CMKLR2: variants seen among roughly 807,000 people sequenced by gnomAD.
CMKLR2 encodes the protein chemerin-like receptor 2.
Under a neutral mutation model 23.0 loss-of-function variants are expected in CMKLR2, and 18 were observed. That is an observed-to-expected ratio of 0.78 (90% CI 0.54 to 1.16). The LOEUF is 1.16. Ranked by LOEUF, CMKLR2 falls within the 50% of genes most tolerant of loss-of-function variation. The probability of loss-of-function intolerance (pLI) is 0.00; values close to 1 mark genes in which losing one functional copy is unlikely to be tolerated. For missense variants in CMKLR2, 401 were observed against 412.7 expected (o/e 0.97, Z 0.25); for synonymous variants, 158 against 158.9 (o/e 0.99, Z 0.05).
intron 1 of CMKLR2, among the ~76,000 whole-genome samples, chr2:206,195,333 G>C (rs1297465738): frequency 6.6e-6 from 1 of 152,120 alleles, no homozygotes; most frequent in Non-Finnish European, 1.5e-5. Flanking sequence ...AAGATGCTAG[G>C]GCAGAAAATG....
At chr2:206,202,950 G>A (rs1432748144) in intron 1 of CMKLR2, among the ~76,000 whole-genome samples, 6 of 151,892 alleles carry the variant, frequency 4.0e-5, no homozygotes, top group East Asian at 1.9e-4. Context: ...CTTGCTACCA[G>A]ATCGACCTCC....
At chr2:206,184,477 A>C (rs940310275) in intron 1 of CMKLR2, among the ~76,000 whole-genome samples, 1 of 151,904 alleles carries the variant, frequency 6.6e-6, no homozygotes, top group Non-Finnish European at 1.5e-5. Context: ...TTTTATTTTT[A>C]GTAAAGACGG....
chr2:206,198,221 C>T (rs1306047496), intron 1 of CMKLR2, among the ~76,000 whole-genome samples: 1 of 152,148 alleles, frequency 6.6e-6, no homozygotes, highest in Non-Finnish European at 1.5e-5. Context: ...ATTGCCTTAT[C>T]CTAGTTCTGA....
At position 206,176,682 on chromosome 2, in the gene CMKLR2, T is replaced by C. The variant is rs770620691; in HGVS notation, c.566A>G (p.Asn189Ser). The part of the protein sequence containing the change: ...VEFNNHTLCY[N>S]NFQKHDPDLT... ...GTCAGGATCATGCTTCTGAAAATTG[T>C]TATAGCAAAGAGTATGATTATTGAA... Residue 189 changes from asparagine (N) to serine (S), a missense_variant, in exon 2 of 2, where the codon AAC becomes AGC. Asn to Ser is a conservative substitution (Grantham distance 46, BLOSUM62 1). Transcript: ENST00000621141. The C allele has an allele frequency of 6.2e-7, 1 of 1,614,210 alleles. No homozygotes were observed. Among genetic ancestry groups the C allele is most frequent in the Non-Finnish European group, 8.5e-7 (1 of 1,180,036 alleles).
intron 1 of CMKLR2, among the ~76,000 whole-genome samples, chr2:206,182,635 T>C (rs189669521): frequency 6.6e-6 from 1 of 152,126 alleles, no homozygotes; most frequent in African/African-American, 2.4e-5. Flanking sequence ...AGTTCCTTTT[T>C]TTTTTGGATG....
chr2:206,187,944 C>T (rs1688633468), intron 1 of CMKLR2, among the ~76,000 whole-genome samples: 1 of 152,054 alleles, frequency 6.6e-6, no homozygotes, highest in African/African-American at 2.4e-5. Context: ...GTCATTCAGG[C>T]TGGAGTGGAG....
chr2:206,178,603 G>A (rs1430910576), intron 1 of CMKLR2, among the ~76,000 whole-genome samples: 1 of 151,976 alleles, frequency 6.6e-6, no homozygotes, highest in Non-Finnish European at 1.5e-5. Flanking sequence ...AATAATTTAT[G>A]ACAAAGATTA....
chr2:206,181,089 A>AC, intron 1 of CMKLR2, among the ~76,000 whole-genome samples: 1 of 135,312 alleles, frequency 7.4e-6, no homozygotes, highest in East Asian at 2.3e-4. Flanking sequence ...CAACTCTCTC[A>AC]CTCTGATGCC....
intron 1 of CMKLR2, among the ~76,000 whole-genome samples, chr2:206,212,656 G>A (rs1171577713): frequency 6.6e-6 from 1 of 152,116 alleles, no homozygotes; most frequent in Admixed American, 6.5e-5. Flanking sequence ...CCTGCATTTA[G>A]CCATCTACCC....
At chr2:206,192,219 A>G (rs1301183407) in intron 1 of CMKLR2, among the ~76,000 whole-genome samples, 1 of 151,346 alleles carries the variant, frequency 6.6e-6, no homozygotes, top group Non-Finnish European at 1.5e-5. Flanking sequence ...ATTTCAAGTG[A>G]TCTGCCCACC....
chr2:206,176,804 A>G lies in CMKLR2; in HGVS notation c.444T>C (p.His148=), dbSNP rs1364569044. ...HLIHPVLSHR[H]RTLKNSLIVI... is the part of the protein sequence containing the mutation. The stretch of plus-strand genomic sequence containing the variant: ...CAATCAGAGAGTTCTTGAGGGTTCG[A>G]TGCCGATGAGATAAGACAGGATGGA... Residue 148 remains histidine (H), a synonymous_variant, in exon 2 of 2, where the codon CAT becomes CAC. Coordinates refer to ENST00000621141, the MANE Select transcript of CMKLR2 (RefSeq NM_001389445.1). 3 of 1,614,190 alleles carry G rather than the reference A, an allele frequency of 1.9e-6. No homozygotes were observed. In the African/African-American group the frequency reaches 4.0e-5, roughly 22 times the overall value.
intron 1 of CMKLR2, among the ~76,000 whole-genome samples, chr2:206,179,082 TTTTTTTTTTTG>T: frequency 8.0e-6 from 1 of 125,628 alleles, no homozygotes; most frequent in African/African-American, 3.0e-5. Context: ...TTTTTTTTTT[TTTTTTTTTTTG>T]AGACAGAATT....
upstream of CMKLR2, among the ~76,000 whole-genome samples, chr2:206,215,664 G>T (rs768947335): frequency 6.6e-6 from 1 of 152,200 alleles, no homozygotes; most frequent in Non-Finnish European, 1.5e-5. Context: ...CTCTGCAAAT[G>T]TGCCTTATAG....
chr2:206,204,416 C>G (rs1055665067), intron 1 of CMKLR2, among the ~76,000 whole-genome samples: 1 of 149,078 alleles, frequency 6.7e-6, no homozygotes, highest in South Asian at 2.1e-4. Flanking sequence ...TCTTTCATTA[C>G]ATTGTATTAT....
In CMKLR2 at chr2:206,184,195, C is replaced by T. The variant is rs186119890; in HGVS notation, c.-28-6920G>A. On this transcript the variant is annotated intron_variant, in intron 1 of 1. Transcript: ENST00000621141. The stretch of plus-strand genomic sequence containing the variant: ...TCCCTGTGTGACTGTCTAAATTTCC[C>T]CTTTATATAAACACACCAGTCATTT... Among the ~76,000 whole-genome samples, 9 of 152,208 alleles carry T rather than the reference C, an allele frequency of 5.9e-5. No homozygotes were observed. In the South Asian group the frequency reaches 1.0e-3, roughly 18 times the overall value.
upstream of CMKLR2, among the ~76,000 whole-genome samples, chr2:206,215,086 G>A (rs1214696346): frequency 6.6e-6 from 1 of 152,124 alleles, no homozygotes; most frequent in Non-Finnish European, 1.5e-5. Context: ...GAATTCTCAC[G>A]GTGGAGGTCG....
intron 1 of CMKLR2, among the ~76,000 whole-genome samples, chr2:206,206,665 G>A (rs1689328727): frequency 6.6e-6 from 1 of 152,164 alleles, no homozygotes; most frequent in African/African-American, 2.4e-5. Context: ...AAGAATGTCT[G>A]TCTCCGCCAC....
chr2:206,214,871 C>T (rs1395813066), upstream of CMKLR2, among the ~76,000 whole-genome samples: 3 of 151,992 alleles, frequency 2.0e-5, no homozygotes, highest in East Asian at 1.9e-4. Flanking sequence ...GTGATCCGCC[C>T]GCCTCGGCCT....
At chr2:206,177,477 C>T (rs1287605817) in intron 1 of CMKLR2, among the ~76,000 whole-genome samples, 1 of 152,106 alleles carries the variant, frequency 6.6e-6, no homozygotes, top group African/African-American at 2.4e-5. Context: ...CAGCCTTGAC[C>T]TCCTAGGCTC....
Sources: gnomAD v4.1 joint callset for allele counts (sites outside exome capture counted in the v4.1 genomes callset) on GRCh38, gnomAD v4.1.1 for gene constraint, MANE v1.5 for transcripts, NCBI Gene and HGNC (gene_info 2026-07-23, HGNC 2026-07-21) for gene names.